Variants in RPN2 observed in about 807,000 individuals in gnomAD.
The protein encoded by RPN2 is ribophorin II.
In RPN2, 29 loss-of-function variants were observed where a neutral mutation model predicts 71.4. The ratio of observed to expected loss-of-function variants is 0.41; its 90% confidence interval spans 0.30 to 0.55. The LOEUF (loss-of-function observed/expected upper bound fraction) is 0.55, where lower values mean the gene tolerates loss of function less well. RPN2 is among the 20% of genes least tolerant of loss of function. The probability of loss-of-function intolerance (pLI) is 0.35; values close to 1 mark genes in which losing one functional copy is unlikely to be tolerated. For synonymous variants in RPN2, 308 were observed against 305.0 expected, an observed-to-expected ratio of 1.01 and a Z score of -0.10; for missense variants, 726 against 774.1, an observed-to-expected ratio of 0.94 and a Z score of 0.74.
At chr20:37,237,873 C>G (rs756637977) in intron 16 of RPN2, among the ~76,000 whole-genome samples, 2 of 152,176 alleles carry the variant, frequency 1.3e-5, no homozygotes, top group African/African-American at 4.8e-5. Context: ...TAAGTTCTCT[C>G]TTTTCTGGAA....
chr20:37,207,477 C>G (rs1199454776), intron 7 of RPN2, 28 bp downstream of exon 7: 2 of 1,608,464 alleles, frequency 1.2e-6, no homozygotes, highest in Non-Finnish European at 1.7e-6. Flanking sequence ...AAAGTGTGCC[C>G]CTCTGATTAT....
Position 37,207,429 on chromosome 20 carries a change from C to G in RPN2, c.847C>G (p.His283Asp), listed in dbSNP as rs1310123959. 1 of 1,614,186 alleles carries G rather than the reference C, an allele frequency of 6.2e-7. No homozygotes were observed. Among genetic ancestry groups the G allele is most frequent in the Non-Finnish European group, 8.5e-7 (1 of 1,180,016 alleles). ...GCCTGAGGGCTCTGCTTCCGACACT[C>G]ATGAACAGGCTATCTTGCGGGTAAG... is the stretch of plus-strand genomic sequence containing the variant. ...VVPEGSASDT[H>D]EQAILRLQVT... The change falls in exon 7 of 17, where the codon CAT becomes GAT. Residue 283 changes from histidine to aspartate, a missense_variant. By Grantham distance (81) the His-to-Asp change is moderately conservative. Transcript: ENST00000237530.
chr20:37,187,222 G>GGTTTACATCTGT (rs1264264336), intron 2 of RPN2, among the ~76,000 whole-genome samples: 4 of 9,554 alleles, frequency 4.2e-4, no homozygotes, highest in South Asian at 2.5e-3. Context: ...CAATCATTTG[G>GGTTTACATCTGT]CGGGGCGCGG....
chr20:37,198,554 A>G, intron 3 of RPN2, 62 bp downstream of exon 3: 1 of 1,611,950 alleles, frequency 6.2e-7, no homozygotes, highest in Non-Finnish European at 8.5e-7. Flanking sequence ...TTTAAAGGGG[A>G]GGAGTCATGT....
intron 9 of RPN2, 121 bp from the exon 10 acceptor site, chr20:37,223,757 C>T: frequency 1.3e-6 from 1 of 783,864 alleles, no homozygotes; most frequent in East Asian, 2.7e-5. Context: ...CTTGAAGACT[C>T]TTGTTCTAGG....
At chr20:37,232,211 C>G in intron 13 of RPN2, 85 bp from the exon 14 acceptor site, 1 of 1,525,352 alleles carries the variant, frequency 6.6e-7, no homozygotes, top group Middle Eastern at 1.7e-4. Flanking sequence ...TCATGACTGA[C>G]ATTGATGCTT....
chr20:37,219,500 TCA>T (rs2067900799), intron 9 of RPN2, among the ~76,000 whole-genome samples: 1 of 152,230 alleles, frequency 6.6e-6, no homozygotes, highest in Non-Finnish European at 1.5e-5. Flanking sequence ...AAATATTTTC[TCA>T]CAGTCTGAAG....
intron 1 of RPN2, chr20:37,179,627 G>T: frequency 1.2e-6 from 1 of 825,554 alleles, no homozygotes; most frequent in Non-Finnish European, 1.7e-6. Flanking sequence ...TCAGCCGTGG[G>T]GACCGCGGAC....
chr20:37,179,534 C>T, intron 1 of RPN2, 165 bp downstream of exon 1: 2 of 1,393,720 alleles, frequency 1.4e-6, no homozygotes, highest in Middle Eastern at 2.0e-4. Context: ...AGGAGGGCTG[C>T]GAGCTGGTGG....
chr20:37,238,247 CT>C (rs2146720265), intron 16 of RPN2, among the ~76,000 whole-genome samples: 1 of 152,308 alleles, frequency 6.6e-6, no homozygotes, highest in Admixed American at 6.5e-5. Flanking sequence ...GCCCACTCTT[CT>C]GTGGCCCTCT....
At chr20:37,203,580 A>C (rs965108182) in intron 4 of RPN2, among the ~76,000 whole-genome samples, 8 of 151,978 alleles carry the variant, frequency 5.3e-5, no homozygotes, top group Non-Finnish European at 7.4e-5. Flanking sequence ...GGGCTCAAGG[A>C]ATTTGCCTGC....
intron 13 of RPN2, among the ~76,000 whole-genome samples, chr20:37,230,587 A>G (rs1299827005): frequency 6.6e-5 from 10 of 152,160 alleles, no homozygotes; most frequent in Non-Finnish European, 1.3e-4. Context: ...TAAACACAAT[A>G]ATTGTTAAAC....
At chr20:37,189,311 CTGTGTGTGTGTATGTGTGTGTGTGTG>C (rs1450358277) in intron 2 of RPN2, among the ~76,000 whole-genome samples, 3 of 115,294 alleles carry the variant, frequency 2.6e-5, no homozygotes, top group South Asian at 6.0e-4. Context: ...ATGGGCCAAA[CTGTGTGTGTGTATGTGTGTGTGTGTG>C]TGTGTGTGTG....
At chr20:37,203,997 G>T in intron 5 of RPN2, 37 bp downstream of exon 5, 1 of 1,436,816 alleles carries the variant, frequency 7.0e-7, no homozygotes, top group Non-Finnish European at 9.8e-7. Context: ...CCCAGCTCCT[G>T]TCTTTGACAC....
chr20:37,199,748 A>C (rs1047530121), intron 4 of RPN2, among the ~76,000 whole-genome samples: 1 of 152,182 alleles, frequency 6.6e-6, no homozygotes, highest in African/African-American at 2.4e-5. Flanking sequence ...GTGAAGGAGA[A>C]GCACCTTTCC....
intron 2 of RPN2, among the ~76,000 whole-genome samples, chr20:37,194,500 G>C (rs2067212489): frequency 6.6e-6 from 1 of 152,208 alleles, no homozygotes; most frequent in Non-Finnish European, 1.5e-5. Flanking sequence ...GACCTCAGGT[G>C]ATCCACCCGC....
intron 1 of RPN2, among the ~76,000 whole-genome samples, chr20:37,179,884 T>C (rs2066810130): frequency 6.6e-6 from 1 of 152,248 alleles, no homozygotes; most frequent in African/African-American, 2.4e-5. Context: ...ACGTATTCAT[T>C]GTGTAACCCA....
intron 4 of RPN2, among the ~76,000 whole-genome samples, chr20:37,202,418 G>A (rs988483144): frequency 9.9e-5 from 15 of 152,146 alleles, no homozygotes; most frequent in Admixed American, 9.2e-4. Flanking sequence ...CTTGACATAA[G>A]CAGACAGATT....
At chr20:37,192,031 G>A (rs1185310432) in intron 2 of RPN2, among the ~76,000 whole-genome samples, 3 of 151,986 alleles carry the variant, frequency 2.0e-5, no homozygotes, top group Non-Finnish European at 4.4e-5. Context: ...GAGCCCAGGA[G>A]TTTAAGGCTG....
Sources: allele counts gnomAD v4.1 joint callset (sites outside exome capture counted in the v4.1 genomes callset), GRCh38; gene constraint gnomAD v4.1.1; transcripts MANE v1.5; gene names NCBI Gene and HGNC (gene_info 2026-07-23, HGNC 2026-07-21).